The following NFIA variants were observed in gnomAD, a reference collection of about 807,000 sequenced individuals.
The protein encoded by NFIA is nuclear factor 1 A-type.
Under a neutral mutation model 62.8 loss-of-function variants are expected in NFIA, and 8 were observed. That is an observed-to-expected ratio of 0.13 (90% confidence interval 0.07 to 0.23). The LOEUF (loss-of-function observed/expected upper bound fraction) is 0.23, where lower values mean the gene tolerates loss of function less well. Among genes scored for constraint, NFIA ranks in the 10% least tolerant of loss-of-function variants. NFIA has a pLI of 1.00. For synonymous variants in NFIA, 235 were observed against 238.1 expected (o/e 0.99, Z 0.12); for missense variants, 410 against 642.1 (o/e 0.64, Z 3.91).
At chr1:61,378,247 T>G (rs1434540793) in intron 6 of NFIA, among the ~76,000 whole-genome samples, 2 of 152,226 alleles carry the variant, frequency 1.3e-5, no homozygotes, top group Non-Finnish European at 2.9e-5. Context: ...CCCAAGAATT[T>G]GAGTTTTTTT....
intron 3 of NFIA, among the ~76,000 whole-genome samples, chr1:61,290,557 C>T (rs1658813413): frequency 6.6e-6 from 1 of 152,190 alleles, no homozygotes; most frequent in African/African-American, 2.4e-5. Context: ...ACAAATGCTA[C>T]CCACACTGAA....
intron 2 of NFIA, among the ~76,000 whole-genome samples, chr1:61,204,233 C>T (rs776526262): frequency 1.3e-5 from 2 of 152,144 alleles, no homozygotes; most frequent in Non-Finnish European, 2.9e-5. Context: ...AGATCTTTGT[C>T]ATCTTAGGCA....
chr1:61,441,181 A>G (rs1247260932), intron 10 of NFIA, among the ~76,000 whole-genome samples: 1 of 152,212 alleles, frequency 6.6e-6, no homozygotes, highest in Admixed American at 6.5e-5. Context: ...GGTGTTTTAT[A>G]AAAGCCCAAT....
Position 61,406,557 on chromosome 1 carries a change from C to CCCCCCCCCAA in NFIA, c.1255-5_1255-4insCCCCCCCCAA. 2.3e-6 allele frequency: 3 copies of CCCCCCCCCAA among 1,317,490 alleles called. No individual in the cohort carries two copies. Among genetic ancestry groups the CCCCCCCCCAA allele is most frequent in the Non-Finnish European group, 3.0e-6 (3 of 999,004 alleles). The allele number at this position is 1,317,490 out of a possible 1,614,324, so 81.6% of individuals were successfully genotyped here. On this transcript the variant is annotated splice_polypyrimidine_tract_variant and splice_region_variant and intron_variant, in intron 8 of 10. Transcript: ENST00000403491. ...GTGTGTTTTCTGCCCCCCCCCCCCC[C>CCCCCCCCCAA]ACAGCCCAATGGGAGCAGCCAAGGC...
chr1:61,303,639 G>A (rs1449904341), intron 3 of NFIA, among the ~76,000 whole-genome samples: 2 of 152,220 alleles, frequency 1.3e-5, no homozygotes, highest in Non-Finnish European at 2.9e-5. Flanking sequence ...GGCAGTTCAT[G>A]CAGGACAGTG....
intron 9 of NFIA, among the ~76,000 whole-genome samples, chr1:61,415,318 C>T (rs1666300555): frequency 6.6e-6 from 1 of 151,978 alleles, no homozygotes; most frequent in Non-Finnish European, 1.5e-5. Flanking sequence ...GAAGGGCTTT[C>T]TAAATAATGC....
chr1:61,090,653 A>G (rs920616481), intron 2 of NFIA, among the ~76,000 whole-genome samples: 2 of 152,204 alleles, frequency 1.3e-5, no homozygotes, highest in African/African-American at 4.8e-5. Context: ...TAGGAGAGTT[A>G]GCATCCTTAT....
intron 2 of NFIA, among the ~76,000 whole-genome samples, chr1:61,110,964 A>G (rs909619654): frequency 1.3e-5 from 2 of 152,164 alleles, no homozygotes; most frequent in Non-Finnish European, 2.9e-5. Context: ...CAAGTTTGCA[A>G]TCAATAGAAG....
intron 4 of NFIA, 76 bp from the exon 5 acceptor site, chr1:61,352,374 G>A: frequency 1.0e-6 from 1 of 987,884 alleles, no homozygotes; most frequent in Non-Finnish European, 1.6e-6. Flanking sequence ...TGTGCTAAAT[G>A]CAACACTGAG....
At chr1:61,335,785 T>A (rs899720233) in intron 4 of NFIA, among the ~76,000 whole-genome samples, 2 of 151,430 alleles carry the variant, frequency 1.3e-5, no homozygotes, top group African/African-American at 4.9e-5. Context: ...GAGGTTGCAG[T>A]GAGCTGAGAT....
At chr1:61,207,380 A>G (rs576626690) in intron 2 of NFIA, among the ~76,000 whole-genome samples, 2 of 152,200 alleles carry the variant, frequency 1.3e-5, no homozygotes, top group African/African-American at 2.4e-5. Flanking sequence ...CAAGACCACA[A>G]GCCAACTTTA....
chr1:61,386,903 T>C (rs1424144548), intron 7 of NFIA, among the ~76,000 whole-genome samples: 2 of 152,182 alleles, frequency 1.3e-5, no homozygotes, highest in East Asian at 1.9e-4. Context: ...AGCTTCTGTG[T>C]CTGGTGAGGG....
At chr1:61,087,790 C>T (rs182145258) in intron 1 of NFIA, among the ~76,000 whole-genome samples, 127 of 152,232 alleles carry the variant, frequency 8.3e-4, no homozygotes, top group African/African-American at 2.9e-3. Flanking sequence ...ATATGCCTTC[C>T]TTGAAATAGG....
chr1:61,433,582 G>T (rs953822339), intron 10 of NFIA, among the ~76,000 whole-genome samples: 2 of 151,798 alleles, frequency 1.3e-5, no homozygotes, highest in Admixed American at 6.6e-5. Context: ...ATGGTTTTGG[G>T]TCTTAAATTC....
rs1667815382 is a variant in NFIA, at chr1:61,446,455, G to A, written c.1513-8848G>A. 2.0e-5 allele frequency among the ~76,000 whole-genome samples: 3 copies of A among 152,136 alleles called. No homozygotes were observed. The South Asian group carries it at 6.2e-4, about 32-fold the overall frequency. On this transcript the variant is annotated intron_variant, in intron 10 of 10. Coordinates refer to ENST00000403491, the MANE Select transcript of NFIA (RefSeq NM_001134673.4). Reference sequence around the variant, plus strand: ...GGATTAAACACAGGTGGAGAGGGAGGGAGACACTAACTTGAGGGGTGGGAG... The same window carrying A: ...GGATTAAACACAGGTGGAGAGGGAGAGAGACACTAACTTGAGGGGTGGGAG...
rs763246425 is a variant in NFIA at position 61,441,292 on chromosome 1, GGTGTGTGTGTGTGTGTGTGTGTGT to G, written c.1513-13992_1513-13969del. 2.4e-4 allele frequency among the ~76,000 whole-genome samples: 33 copies of G among 139,466 alleles called. No homozygotes were observed. The East Asian group carries it at 2.8e-3, about 12-fold the overall frequency. 91.5% of individuals were successfully genotyped at this position (139,466 alleles called of 152,430 possible). The stretch of plus-strand genomic sequence containing the variant: ...TTACTTTCATAGACTGCCGTGCAGG[GGTGTGTGTGTGTGTGTGTGTGTGT>G]GTGTGTGTGTGTGTGTGTCTGTCTG... On this transcript the variant is annotated intron_variant, in intron 10 of 10. Transcript: ENST00000403491.
At chr1:61,157,548 T>C (rs1476903601) in intron 2 of NFIA, among the ~76,000 whole-genome samples, 1 of 152,190 alleles carries the variant, frequency 6.6e-6, no homozygotes, top group Non-Finnish European at 1.5e-5. Flanking sequence ...TAGAAAGGAA[T>C]GTTGAGTTTG....
chr1:61,387,464 CTTTCT>C (rs1664751073), intron 7 of NFIA, among the ~76,000 whole-genome samples: 1 of 110,922 alleles, frequency 9.0e-6, no homozygotes, highest in African/African-American at 3.8e-5. Flanking sequence ...AGCTCAAGCA[CTTTCT>C]TTTTTTTTTT....
chr1:61,404,021 A>G, intron 7 of NFIA, 83 bp from the exon 8 acceptor site: 3 of 1,480,770 alleles, frequency 2.0e-6, no homozygotes, highest in Non-Finnish European at 2.8e-6. Context: ...CAGGAAGAGA[A>G]ATAAAGGAGG....
Sources: gnomAD v4.1 joint callset for allele counts (sites outside exome capture counted in the v4.1 genomes callset) on GRCh38, gnomAD v4.1.1 for gene constraint, MANE v1.5 for transcripts, NCBI Gene and HGNC (gene_info 2026-07-23, HGNC 2026-07-21) for gene names.